Variants in CCKAR observed in about 807,000 individuals in gnomAD.
The protein encoded by CCKAR is cholecystokinin A receptor.
CCKAR carries 21 observed loss-of-function variants against 29.8 expected under a neutral mutation model. That is an observed-to-expected ratio of 0.70 (90% confidence interval 0.50 to 1.01). The LOEUF (loss-of-function observed/expected upper bound fraction) is 1.01, where lower values mean the gene tolerates loss of function less well. Among genes scored for constraint, CCKAR ranks in the 50% least tolerant of loss-of-function variants. CCKAR has a pLI of 0.00. For synonymous variants in CCKAR, 238 were observed against 221.3 expected (o/e 1.08, Z -0.67); for missense variants, 570 against 560.6 (o/e 1.02, Z -0.17).
At chr4:26,485,962 GC>G in intron 2 of CCKAR, 64 bp from the exon 3 acceptor site, 3 of 1,459,476 alleles carry the variant, frequency 2.1e-6, no homozygotes, top group Non-Finnish European at 2.8e-6. Flanking sequence ...TTGCACATTA[GC>G]TTGAATATAT....
At chr4:26,488,049 C>A (rs572604239) in intron 2 of CCKAR, among the ~76,000 whole-genome samples, 28 of 151,836 alleles carry the variant, frequency 1.8e-4, no homozygotes, top group Non-Finnish European at 3.4e-4. Context: ...AAAATGAGGA[C>A]TTATAAGGCT....
intron 3 of CCKAR, among the ~76,000 whole-genome samples, chr4:26,484,111 A>G (rs1737400699): frequency 6.6e-6 from 1 of 152,218 alleles, no homozygotes; most frequent in Non-Finnish European, 1.5e-5. Context: ...ATTACTGAAG[A>G]ATCACAGCCT....
In CCKAR at chr4:26,482,134, T is replaced by C. The variant is rs1344868728; in HGVS notation, c.791A>G (p.Glu264Gly). ...TTGCAGGTAACACCCATCGCTGTCCTCATATTTGCCGCTGCTGGTGGTGCT... is the reference window on the plus strand; with the variant it reads ...TTGCAGGTAACACCCATCGCTGTCCCCATATTTGCCGCTGCTGGTGGTGCT... ...KPSTTSSGKY[E>G]DSDGCYLQKT... The change falls in exon 5 of 5, where the codon GAG (glutamate) becomes GGG (glycine). Residue 264 changes from glutamate to glycine, a missense_variant. Coordinates refer to ENST00000295589, the MANE Select transcript of CCKAR (RefSeq NM_000730.3). 4 of 1,612,372 alleles carry C rather than the reference T, an allele frequency of 2.5e-6. No homozygotes were observed. In the African/African-American group the frequency reaches 4.0e-5, roughly 16 times the overall value.
chr4:26,489,444 T>C lies in CCKAR; in HGVS notation c.153A>G (p.Ile51Met). The part of the protein sequence containing the change: ...PAVQILLYSL[I>M]FLLSVLGNTL... The stretch of plus-strand genomic sequence containing the variant: ...TGTTTCCCAGCACGCTGAGCAGGAA[T>C]ATCAAGGAGTACAAGAGAATCTGCA... Residue 51 changes from isoleucine (I) to methionine (M), a missense_variant, in exon 2 of 5, where the codon ATA becomes ATG. By Grantham distance (10) the Ile-to-Met change is conservative (BLOSUM62 1). Coordinates refer to ENST00000295589, the MANE Select transcript of CCKAR (RefSeq NM_000730.3). The C allele has an allele frequency of 1.2e-6, 2 of 1,614,056 alleles. No individual in the cohort carries two copies. Among genetic ancestry groups the C allele is most frequent in the Non-Finnish European group, 8.5e-7 (1 of 1,180,000 alleles).
intron 3 of CCKAR, among the ~76,000 whole-genome samples, chr4:26,484,729 C>T (rs1391562272): frequency 6.6e-6 from 1 of 152,026 alleles, no homozygotes; most frequent in African/African-American, 2.4e-5. Context: ...GGACTCATTC[C>T]CTGCTCTGTC....
Position 26,489,270 on chromosome 4 carries a change from G to A in CCKAR, c.327C>T (p.Phe109=), listed in dbSNP as rs1349938866. Reference sequence around the variant, plus strand: ...TGGTGGTCTTGCAAACGGCGCTCCCGAAGATGAAATCCTTGAGCAGATTGG... The same window carrying A: ...TGGTGGTCTTGCAAACGGCGCTCCCAAAGATGAAATCCTTGAGCAGATTGG... ...LIPNLLKDFI[F]GSAVCKTTTY... is the part of the protein sequence containing the mutation. The change falls in exon 2 of 5, where the codon TTC becomes TTT. Residue 109 remains phenylalanine, a synonymous_variant. Transcript: ENST00000295589. 2.5e-6 allele frequency: 4 copies of A among 1,614,002 alleles called. No homozygotes were observed. The highest frequency in any genetic ancestry group is 1.3e-5 in the African/African-American group (1 of 74,906).
In CCKAR at chr4:26,481,910, C is replaced by T. The variant is rs532932146; in HGVS notation, c.1015G>A (p.Asp339Asn). The T allele has an allele frequency of 4.6e-5, 74 of 1,614,230 alleles. 1 individual carries two copies. In the Middle Eastern group the frequency reaches 8.2e-4, roughly 18 times the overall value. ...IFSANAWRAY[D>N]TASAERRLSG... ...AGGCGGCGCTCTGCGGAGGCGGTGTCGTAGGCCCGCCAGGCGTTGGCGCTG... is the reference window on the plus strand; with the variant it reads ...AGGCGGCGCTCTGCGGAGGCGGTGTTGTAGGCCCGCCAGGCGTTGGCGCTG... Residue 339 changes from aspartate (D) to asparagine (N), a missense_variant, in exon 5 of 5, where the codon GAC becomes AAC. Physicochemically the swap from Asp to Asn is conservative, Grantham distance 23. Coordinates refer to ENST00000295589, the MANE Select transcript of CCKAR (RefSeq NM_000730.3).
In CCKAR at chr4:26,481,768, G is replaced by C. The variant is rs1451700002; in HGVS notation, c.1157C>G (p.Pro386Arg). 1 of 1,614,128 alleles carries C rather than the reference G, an allele frequency of 6.2e-7. No individual in the cohort carries two copies. The highest frequency in any genetic ancestry group is 2.2e-5 in the East Asian group (1 of 44,870). Reference sequence around the variant, plus strand: ...TGGGGGACCAGGATTGGGGCAGCAGGGGAAGGTGGCCATGAAGCCGAGGCG... The same window carrying C: ...TGGGGGACCAGGATTGGGGCAGCAGCGGAAGGTGGCCATGAAGCCGAGGCG... Reference protein sequence around the residue: ...RFRLGFMATFPCCPNPGPPGA... With the variant: ...RFRLGFMATFRCCPNPGPPGA... Residue 386 changes from proline to arginine, a missense_variant, in exon 5 of 5, where the codon CCC becomes CGC. Coordinates refer to ENST00000295589, the MANE Select transcript of CCKAR (RefSeq NM_000730.3).
rs557764541 is a variant in CCKAR, at chr4:26,489,632, C to T, written c.113-148G>A. The T allele has an allele frequency of 2.4e-5, 20 of 845,070 alleles. No homozygotes were observed. The South Asian group carries it at 3.3e-4, about 14-fold the overall frequency. 52.3% of individuals were successfully genotyped at this position (845,070 alleles called of 1,614,324 possible). On this transcript the variant is annotated intron_variant, in intron 1 of 4. Transcript: ENST00000295589. The stretch of plus-strand genomic sequence containing the variant: ...CGATTCCTGTCCTGGCAACATTTTG[C>T]GGAAACAAATTGAGGAAAGCAGAGA...
At chr4:26,484,055 T>G (rs1414074306) in intron 3 of CCKAR, among the ~76,000 whole-genome samples, 1 of 152,204 alleles carries the variant, frequency 6.6e-6, no homozygotes, top group Non-Finnish European at 1.5e-5. Context: ...GCATCATCAT[T>G]CTAGTGCCTG....
intron 2 of CCKAR, among the ~76,000 whole-genome samples, chr4:26,488,945 T>C (rs1451891771): frequency 6.6e-6 from 1 of 152,154 alleles, no homozygotes; most frequent in African/African-American, 2.4e-5. Flanking sequence ...CCCTCTTCCC[T>C]TCAAATAGAA....
intron 4 of CCKAR, 94 bp from the exon 5 acceptor site, chr4:26,482,264 C>A: frequency 1.6e-6 from 2 of 1,221,770 alleles, no homozygotes; most frequent in South Asian, 2.9e-5. Context: ...GAAGTCCAAA[C>A]CAAACAGGAA....
chr4:26,483,393 T>C, intron 3 of CCKAR, 110 bp from the exon 4 acceptor site: 1 of 964,532 alleles, frequency 1.0e-6, no homozygotes, highest in Non-Finnish European at 1.5e-6. Flanking sequence ...GCAAACACAT[T>C]AATTACTAGT....
chr4:26,486,358 G>A (rs562779886), intron 2 of CCKAR, among the ~76,000 whole-genome samples: 2 of 152,314 alleles, frequency 1.3e-5, no homozygotes, highest in African/African-American at 2.4e-5. Context: ...TGTGATGTGA[G>A]CCGGAGGCAT....
Position 26,482,079 on chromosome 4 carries a change from G to C in CCKAR, c.846C>G (p.Leu282=). The change falls in exon 5 of 5, where the codon CTC becomes CTG. Residue 282 remains leucine (L), a synonymous_variant. Transcript: ENST00000295589. ...QKTRPPRKLE[L]RQLSTGSSSR... The stretch of plus-strand genomic sequence containing the variant: ...TGCTGCTGCCGGTGGACAGCTGCCG[G>C]AGCTCCAGCTTCCTCGGGGGCCTGG... The C allele has an allele frequency of 6.2e-7, 1 of 1,614,208 alleles. No individual in the cohort carries two copies. Among genetic ancestry groups the C allele is most frequent in the Non-Finnish European group, 8.5e-7 (1 of 1,180,042 alleles).
chr4:26,481,924 G>C lies in CCKAR; in HGVS notation c.1001C>G (p.Ala334Gly). Residue 334 changes from alanine (A) to glycine (G), a missense_variant, in exon 5 of 5, where the codon GCC becomes GGC. By Grantham distance (60) the Ala-to-Gly change is moderately conservative (BLOSUM62 0). Coordinates refer to ENST00000295589, the MANE Select transcript of CCKAR (RefSeq NM_000730.3). Reference sequence around the variant, plus strand: ...GGAGGCGGTGTCGTAGGCCCGCCAGGCGTTGGCGCTGAAGATGGGCATCCA... The same window carrying C: ...GGAGGCGGTGTCGTAGGCCCGCCAGCCGTTGGCGCTGAAGATGGGCATCCA... Reference protein sequence around the residue: ...LCWMPIFSANAWRAYDTASAE... With the variant: ...LCWMPIFSANGWRAYDTASAE... 2 of 1,614,282 alleles carry C rather than the reference G, an allele frequency of 1.2e-6. No individual in the cohort carries two copies. Among genetic ancestry groups the C allele is most frequent in the Non-Finnish European group, 1.7e-6 (2 of 1,180,050 alleles).
chr4:26,488,135 A>G (rs1292681655), intron 2 of CCKAR, among the ~76,000 whole-genome samples: 1 of 151,876 alleles, frequency 6.6e-6, no homozygotes, highest in African/African-American at 2.4e-5. Context: ...ACAAAAAATA[A>G]CTCCCTTCTT....
chr4:26,485,994 A>T, intron 2 of CCKAR, 96 bp from the exon 3 acceptor site: 2 of 1,075,110 alleles, frequency 1.9e-6, no homozygotes, highest in South Asian at 3.2e-5. Flanking sequence ...CAGGTTTGAT[A>T]TCAAAGGAAA....
At position 26,481,777 on chromosome 4, in the gene CCKAR, G is replaced by A; in HGVS notation, c.1148C>T (p.Ala383Val). 1 of 1,614,086 alleles carries A rather than the reference G, an allele frequency of 6.2e-7. No homozygotes were observed. Among genetic ancestry groups the A allele is most frequent in the Non-Finnish European group, 8.5e-7 (1 of 1,179,996 alleles). The change falls in exon 5 of 5, where the codon GCC becomes GTC. Residue 383 changes from alanine to valine, a missense_variant. Ala to Val is a moderately conservative substitution (Grantham distance 64). Coordinates refer to ENST00000295589, the MANE Select transcript of CCKAR (RefSeq NM_000730.3). ...AGGATTGGGGCAGCAGGGGAAGGTGGCCATGAAGCCGAGGCGGAAGCGTTT... is the reference window on the plus strand; with the variant it reads ...AGGATTGGGGCAGCAGGGGAAGGTGACCATGAAGCCGAGGCGGAAGCGTTT... Reference protein sequence around the residue: ...MNKRFRLGFMATFPCCPNPGP... With the variant: ...MNKRFRLGFMVTFPCCPNPGP...
Sources: allele counts gnomAD v4.1 joint callset (sites outside exome capture counted in the v4.1 genomes callset), GRCh38; gene constraint gnomAD v4.1.1; transcripts MANE v1.5; gene names NCBI Gene and HGNC (gene_info 2026-07-23, HGNC 2026-07-21).